RBFOX1: variants seen among roughly 807,000 people sequenced by gnomAD.
The protein encoded by RBFOX1 is RNA binding protein fox-1 homolog 1.
RBFOX1 carries 8 observed loss-of-function variants against 57.7 expected under a neutral mutation model. That is an observed-to-expected ratio of 0.14 (90% CI 0.08 to 0.25). The LOEUF (loss-of-function observed/expected upper bound fraction) is 0.25. Ranked by LOEUF, RBFOX1 falls within the 10% of genes least tolerant of loss-of-function variation. RBFOX1 has a pLI of 1.00. For synonymous variants in RBFOX1, 326 were observed against 222.4 expected, an observed-to-expected ratio of 1.47 and a Z score of -4.15; for missense variants, 611 against 548.5, an observed-to-expected ratio of 1.11 and a Z score of -1.14.
At chr16:5,434,740 C>CTA (rs1241827527) in intron 1 of RBFOX1, among the ~76,000 whole-genome samples, 1 of 152,164 alleles carries the variant, frequency 6.6e-6, no homozygotes, top group Non-Finnish European at 1.5e-5. Context: ...AGCTTATTTG[C>CTA]AATACCTTGT....
intron 2 of RBFOX1, among the ~76,000 whole-genome samples, chr16:5,568,245 C>T (rs949042678): frequency 3.3e-5 from 5 of 152,218 alleles, no homozygotes; most frequent in Non-Finnish European, 7.3e-5. Flanking sequence ...GTGCTGCATT[C>T]TCTGTGCACG....
At position 6,522,917 on chromosome 16, in the gene RBFOX1, C is replaced by T. The variant is rs567429735; in HGVS notation, c.-63-131686C>T. ...ATCCCACCTAAGTTCATTTTGGACT[C>T]GGGGACTTCGCTTTACTCCTGGCTT... On this transcript the variant is annotated intron_variant, in intron 2 of 15. Transcript: ENST00000550418. Among the ~76,000 whole-genome samples the T allele has an allele frequency of 9.9e-5, 15 of 152,094 alleles. 1 individual carries two copies. The highest frequency in any genetic ancestry group is 1.2e-4 in the African/African-American group (5 of 41,412).
chr16:5,555,737 C>T (rs1019140868), intron 2 of RBFOX1, among the ~76,000 whole-genome samples: 1 of 151,744 alleles, frequency 6.6e-6, no homozygotes, highest in African/African-American at 2.4e-5. Flanking sequence ...GACCCTCTCC[C>T]TCGGCTGGGT....
At chr16:5,306,113 A>C (rs2063926358) in intron 1 of RBFOX1, among the ~76,000 whole-genome samples, 1 of 152,184 alleles carries the variant, frequency 6.6e-6, no homozygotes, top group East Asian at 1.9e-4. Flanking sequence ...TGATGGGAGG[A>C]TTGCTTGAGC....
chr16:7,151,084 A>G (rs2076014963), intron 4 of RBFOX1, among the ~76,000 whole-genome samples: 1 of 152,200 alleles, frequency 6.6e-6, no homozygotes, highest in African/African-American at 2.4e-5. Flanking sequence ...TGTTAAGTGT[A>G]TTCTACTTTC....
At chr16:5,465,662 G>T (rs117749024) in intron 1 of RBFOX1, among the ~76,000 whole-genome samples, 1,836 of 152,298 alleles carry the variant, frequency 0.012, 22 homozygotes, top group Non-Finnish European at 0.016. Context: ...TAATTTCATG[G>T]TCATGGGCTC....
intron 1 of RBFOX1, among the ~76,000 whole-genome samples, chr16:6,051,883 A>G (rs978562241): frequency 5.3e-5 from 8 of 151,948 alleles, no homozygotes; most frequent in South Asian, 2.1e-4. Context: ...TCTTTTATTT[A>G]TCTTTCTTCC....
At chr16:7,529,451 T>A (rs1484927912) in intron 5 of RBFOX1, among the ~76,000 whole-genome samples, 1 of 152,222 alleles carries the variant, frequency 6.6e-6, no homozygotes, top group Non-Finnish European at 1.5e-5. Flanking sequence ...GACCCTGTAG[T>A]AATTTAGCAA....
chr16:7,678,236 C>T lies in RBFOX1; in HGVS notation c.995+1398C>T, dbSNP rs183902278. Among the ~76,000 whole-genome samples the T allele has an allele frequency of 6.6e-5, 10 of 152,122 alleles. 1 individual carries two copies. Among genetic ancestry groups the T allele is most frequent in the African/African-American group, 1.2e-4 (5 of 41,492 alleles). Reference sequence around the variant, plus strand: ...CTCAATACATAAATTATACATTTACCGAGTAATCAGTTGCCAAGATGCAAA... The same window carrying T: ...CTCAATACATAAATTATACATTTACTGAGTAATCAGTTGCCAAGATGCAAA... On this transcript the variant is annotated intron_variant, in intron 14 of 15. Transcript: ENST00000550418.
At chr16:5,524,941 C>G (rs1312131011) in intron 2 of RBFOX1, among the ~76,000 whole-genome samples, 1 of 152,176 alleles carries the variant, frequency 6.6e-6, no homozygotes, top group Non-Finnish European at 1.5e-5. Context: ...TCACCTCCTA[C>G]CCCACTGGGT....
chr16:6,288,637 C>T (rs946645306), intron 1 of RBFOX1, among the ~76,000 whole-genome samples: 1 of 152,128 alleles, frequency 6.6e-6, no homozygotes, highest in Non-Finnish European at 1.5e-5. Context: ...TGGGAAACTG[C>T]AAAATTGAGA....
At position 6,848,296 on chromosome 16, in the gene RBFOX1, A is replaced by G. The variant is rs986664570; in HGVS notation, c.-16+193646A>G. On this transcript the variant is annotated intron_variant, in intron 3 of 15. Coordinates refer to ENST00000550418, the MANE Select transcript of RBFOX1 (RefSeq NM_018723.4). ...TGTGACCATGTGGGAAGGTGGGCAT[A>G]GTATGGCCAGGCTTTCTCATTTCTC... 4.6e-5 allele frequency among the ~76,000 whole-genome samples: 7 copies of G among 152,160 alleles called. No individual in the cohort carries two copies. In the East Asian group the frequency reaches 5.8e-4, roughly 13 times the overall value.
chr16:6,251,930 C>G (rs1006563670), intron 1 of RBFOX1, among the ~76,000 whole-genome samples: 14 of 152,076 alleles, frequency 9.2e-5, no homozygotes, highest in Admixed American at 9.2e-4. Flanking sequence ...AATTCTGTCT[C>G]CTGGTTCCGA....
chr16:7,113,525 A>G (rs990954623), intron 4 of RBFOX1, among the ~76,000 whole-genome samples: 2 of 152,068 alleles, frequency 1.3e-5, no homozygotes, highest in African/African-American at 4.8e-5. Flanking sequence ...GACTACTTAG[A>G]TGTATTGTAA....
intron 3 of RBFOX1, among the ~76,000 whole-genome samples, chr16:6,989,230 A>T (rs1451547640): frequency 6.6e-6 from 1 of 152,082 alleles, no homozygotes; most frequent in Non-Finnish European, 1.5e-5. Flanking sequence ...TATTAGAAAA[A>T]TTTTAATTGC....
At chr16:7,123,922 G>A (rs770149885) in intron 4 of RBFOX1, among the ~76,000 whole-genome samples, 13 of 151,976 alleles carry the variant, frequency 8.6e-5, no homozygotes, top group Non-Finnish European at 1.5e-4. Flanking sequence ...AAGGAGAGAG[G>A]GAAAGTGGAA....
chr16:6,477,403 A>G (rs996361209), intron 2 of RBFOX1, among the ~76,000 whole-genome samples: 1 of 152,196 alleles, frequency 6.6e-6, no homozygotes, highest in Admixed American at 6.5e-5. Flanking sequence ...CGAACAGAAC[A>G]CTTATGTCCT....
At chr16:7,560,850 C>G (rs2090161611) in intron 5 of RBFOX1, among the ~76,000 whole-genome samples, 2 of 152,192 alleles carry the variant, frequency 1.3e-5, no homozygotes, top group South Asian at 2.1e-4. Context: ...TGCTCCTGAG[C>G]TCTGCTAATG....
intron 3 of RBFOX1, among the ~76,000 whole-genome samples, chr16:6,901,557 G>T (rs551408878): frequency 6.6e-6 from 1 of 152,194 alleles, no homozygotes; most frequent in Non-Finnish European, 1.5e-5. Flanking sequence ...TTTTGTTTAT[G>T]TAGTGGAATG....
Sources: allele counts gnomAD v4.1 joint callset (sites outside exome capture counted in the v4.1 genomes callset), GRCh38; gene constraint gnomAD v4.1.1; transcripts MANE v1.5; gene names NCBI Gene and HGNC (gene_info 2026-07-23, HGNC 2026-07-21).